PPP1R12A: variants seen among roughly 807,000 people sequenced by gnomAD.
PPP1R12A encodes myosin binding subunit.
A neutral mutation model predicts 139.6 loss-of-function variants in PPP1R12A; 19 were observed. The ratio of observed to expected loss-of-function variants is 0.14; its 90% CI spans 0.09 to 0.20. The LOEUF (loss-of-function observed/expected upper bound fraction) is 0.20. Among genes scored for constraint, PPP1R12A ranks in the 10% least tolerant of loss-of-function variants. PPP1R12A has a pLI of 1.00. For synonymous variants in PPP1R12A, 427 were observed against 420.6 expected, an observed-to-expected ratio of 1.02 and a Z score of -0.19; for missense variants, 925 against 1,211.5, an observed-to-expected ratio of 0.76 and a Z score of 3.51.
At chr12:79,910,278 G>T (rs989337450) in intron 1 of PPP1R12A, among the ~76,000 whole-genome samples, 2 of 151,776 alleles carry the variant, frequency 1.3e-5, no homozygotes, top group African/African-American at 4.8e-5. Context: ...TCAGGACTTC[G>T]AAACCAGCCT....
At chr12:79,897,098 C>T (rs188171491) in intron 1 of PPP1R12A, among the ~76,000 whole-genome samples, 5 of 152,154 alleles carry the variant, frequency 3.3e-5, no homozygotes, top group East Asian at 1.9e-4. Flanking sequence ...TCCATTGCTG[C>T]GCCATGCACA....
chr12:79,879,374 A>C (rs1177437797), intron 1 of PPP1R12A, among the ~76,000 whole-genome samples: 1 of 152,200 alleles, frequency 6.6e-6, no homozygotes, highest in Non-Finnish European at 1.5e-5. Flanking sequence ...TCAAAAAAAA[A>C]AGAAAACAAC....
At chr12:79,886,903 G>A (rs1024841567) in intron 1 of PPP1R12A, among the ~76,000 whole-genome samples, 6 of 152,086 alleles carry the variant, frequency 3.9e-5, no homozygotes, top group African/African-American at 7.2e-5. Flanking sequence ...CTATAAAGTA[G>A]TACATTGAAC....
chr12:79,809,375 G>C lies in PPP1R12A; in HGVS notation c.1455+420C>G, dbSNP rs575174760. Among the ~76,000 whole-genome samples, 3 of 152,222 alleles carry C rather than the reference G, an allele frequency of 2.0e-5. No homozygotes were observed. In the South Asian group the frequency reaches 6.2e-4, roughly 32 times the overall value. On this transcript the variant is annotated intron_variant, in intron 10 of 24. Coordinates refer to ENST00000450142, the MANE Select transcript of PPP1R12A (RefSeq NM_002480.3). ...TTTACTCATTAAGACAAAGTTGCTT[G>C]TAATATGGTAGATGAAAAATCTGGT...
chr12:79,888,552 A>G (rs1447920300), intron 1 of PPP1R12A, among the ~76,000 whole-genome samples: 1 of 152,116 alleles, frequency 6.6e-6, no homozygotes, highest in Non-Finnish European at 1.5e-5. Context: ...AGTTACATAG[A>G]AGCAAGGGGA....
In PPP1R12A at chr12:79,796,911, T is replaced by C. The variant is rs769777763; in HGVS notation, c.2332A>G (p.Thr778Ala). ...GTAGAAAGTGAAGAGGATGGAGTGG[T>C]TGAACTTGAAGTTGATACTGGCCTA... ...RYRPVSTSSSTTPSSSLSTMS... is the reference protein window; with the variant it reads ...RYRPVSTSSSATPSSSLSTMS... Residue 778 changes from threonine to alanine, a missense_variant, in exon 17 of 25, where the codon ACC (threonine) becomes GCC (alanine). Around this residue, in one of 4 missense-constraint regions of PPP1R12A, gnomAD observed 315 missense variants for 363.4 expected, o/e 0.87. Coordinates refer to ENST00000450142, the MANE Select transcript of PPP1R12A (RefSeq NM_002480.3). The C allele has an allele frequency of 1.2e-5, 19 of 1,612,704 alleles. No homozygotes were observed. Among genetic ancestry groups the C allele is most frequent in the Admixed American group, 3.3e-5 (2 of 59,914 alleles).
chr12:79,820,815 T>C lies in PPP1R12A; in HGVS notation c.1073A>G (p.Glu358Gly). The C allele has an allele frequency of 6.2e-7, 1 of 1,613,536 alleles. No homozygotes were observed. Among genetic ancestry groups the C allele is most frequent in the South Asian group, 1.1e-5 (1 of 91,050 alleles). The change falls in exon 8 of 25, where the codon GAA (glutamate) becomes GGA (glycine). Residue 358 changes from glutamate (E) to glycine (G), a missense_variant. Physicochemically the swap from Glu to Gly is moderately conservative, Grantham distance 98. Transcript: ENST00000450142. The stretch of plus-strand genomic sequence containing the variant: ...TTCCGAGTCATCTTCCTCATCTTCT[T>C]CACTAGAGCAGCTAGACTCATCCTT... ...GKKDESSCSS[E>G]EDEEDDSESE...
chr12:79,867,083 A>T (rs551957854), intron 2 of PPP1R12A, among the ~76,000 whole-genome samples: 2 of 152,206 alleles, frequency 1.3e-5, no homozygotes, highest in African/African-American at 4.8e-5. Context: ...ATGCCCATCA[A>T]TGACAGACTG....
chr12:79,898,359 G>A (rs888231159), intron 1 of PPP1R12A, among the ~76,000 whole-genome samples: 2 of 152,184 alleles, frequency 1.3e-5, no homozygotes, highest in Non-Finnish European at 2.9e-5. Flanking sequence ...GGGAGGCTGA[G>A]GCAGAAGAAC....
Position 79,898,592 on chromosome 12 carries a change from G to T in PPP1R12A, c.238-25654C>A, listed in dbSNP as rs1269368647. Among the ~76,000 whole-genome samples the T allele has an allele frequency of 2.0e-5, 3 of 152,030 alleles. No homozygotes were observed. The East Asian group carries it at 5.8e-4, about 29-fold the overall frequency. On this transcript the variant is annotated intron_variant, in intron 1 of 24. Transcript: ENST00000450142. ...ACACTCCTCATCTTCCTTCCCCTTT[G>T]CTGCAAACGAAGAAATAGTCTACCA... is the stretch of plus-strand genomic sequence containing the variant.
At position 79,805,608 on chromosome 12, in the gene PPP1R12A, C is replaced by T. The variant is rs549883573; in HGVS notation, c.1984G>A (p.Val662Ile). 6.2e-7 allele frequency: 1 copy of T among 1,613,670 alleles called. No homozygotes were observed. The highest frequency in any genetic ancestry group is 1.3e-5 in the African/African-American group (1 of 75,020). Residue 662 changes from valine (V) to isoleucine (I), a missense_variant, in exon 14 of 25, where the codon GTC becomes ATC. Val to Ile is a conservative substitution (Grantham distance 29). Around this residue, in one of 4 missense-constraint regions of PPP1R12A, gnomAD observed 403 missense variants for 463.7 expected, o/e 0.87. Transcript: ENST00000450142. ...TTTACACACCTGCGTCTCTCCCTGA[C>T]CTCTGTTGTGGAGGAGACAGTGCCA... ...TAGTVSSTTE[V>I]RERRRSYLTP...
chr12:79,874,498 T>G (rs1400589468), intron 1 of PPP1R12A, among the ~76,000 whole-genome samples: 2 of 152,106 alleles, frequency 1.3e-5, no homozygotes, highest in African/African-American at 2.4e-5. Flanking sequence ...AATTAAAAAA[T>G]GTCATTTGGT....
At chr12:79,835,532 A>G (rs1021565984) in intron 3 of PPP1R12A, among the ~76,000 whole-genome samples, 1 of 152,144 alleles carries the variant, frequency 6.6e-6, no homozygotes, top group East Asian at 1.9e-4. Context: ...CCCTATCACT[A>G]TGCTAGTTCA....
intron 1 of PPP1R12A, among the ~76,000 whole-genome samples, chr12:79,912,959 TTC>T (rs1242510013): frequency 6.6e-6 from 1 of 152,254 alleles, no homozygotes; most frequent in East Asian, 1.9e-4. Flanking sequence ...TCTCACATAC[TTC>T]TTACACTAGC....
chr12:79,798,808 C>T (rs1872756556), intron 14 of PPP1R12A, among the ~76,000 whole-genome samples: 2 of 152,132 alleles, frequency 1.3e-5, no homozygotes, highest in South Asian at 4.1e-4. Context: ...CACATTTTAA[C>T]TTCCTAACTA....
At chr12:79,782,358 C>G (rs1870559159) in intron 22 of PPP1R12A, 2 of 247,476 alleles carry the variant, frequency 8.1e-6, no homozygotes, top group Non-Finnish European at 1.6e-5. Context: ...GGCTCACACT[C>G]TAGGTTTCTT....
chr12:79,863,131 C>G (rs1206145724), intron 2 of PPP1R12A, among the ~76,000 whole-genome samples: 4 of 152,136 alleles, frequency 2.6e-5, no homozygotes, highest in Non-Finnish European at 4.4e-5. Context: ...GGCAGAAACC[C>G]TAGAAGCCAG....
intron 18 of PPP1R12A, among the ~76,000 whole-genome samples, chr12:79,795,365 TATAAA>T (rs1165319209): frequency 6.6e-6 from 1 of 152,150 alleles, no homozygotes; most frequent in African/African-American, 2.4e-5. Flanking sequence ...GTTTACCTAT[TATAAA>T]ATAATCAATA....
chr12:79,824,596 C>T (rs1052291984), intron 5 of PPP1R12A, among the ~76,000 whole-genome samples: 9 of 151,960 alleles, frequency 5.9e-5, no homozygotes, highest in Admixed American at 2.0e-4. Context: ...TTTCTAATTT[C>T]AAAAAAAGCA....
Sources: allele counts gnomAD v4.1 joint callset (sites outside exome capture counted in the v4.1 genomes callset), GRCh38; gene constraint gnomAD v4.1.1; regional missense constraint gnomAD v4.1.1; transcripts MANE v1.5; gene names NCBI Gene and HGNC (gene_info 2026-07-23, HGNC 2026-07-21).